PCDH15: variants seen among roughly 807,000 people sequenced by gnomAD.
PCDH15 encodes protocadherin-15.
Under a neutral mutation model 178.5 loss-of-function variants are expected in PCDH15, and 129 were observed. That is an observed-to-expected ratio of 0.72 (90% CI 0.63 to 0.84). The LOEUF is 0.84. PCDH15 is among the 40% of genes least tolerant of loss of function. The pLI is 0.00. For missense variants in PCDH15, 2,230 were observed against 2,099.9 expected, an observed-to-expected ratio of 1.06 and a Z score of -1.21; for synonymous variants, 800 against 732.0, an observed-to-expected ratio of 1.09 and a Z score of -1.50.
At chr10:53,930,744 T>C (rs2084986195) in intron 25 of PCDH15, among the ~76,000 whole-genome samples, 1 of 152,080 alleles carries the variant, frequency 6.6e-6, no homozygotes, top group Non-Finnish European at 1.5e-5. Flanking sequence ...CTTACACTCT[T>C]ACGTTTCTTC....
intron 2 of PCDH15, among the ~76,000 whole-genome samples, chr10:55,463,380 C>T (rs1365087534): frequency 1.3e-5 from 2 of 152,028 alleles, no homozygotes; most frequent in African/African-American, 2.4e-5. Context: ...AGCACAGTGG[C>T]TTATGTTTGT....
At chr10:54,682,020 A>C (rs1378605305) in intron 1 of PCDH15, among the ~76,000 whole-genome samples, 1 of 152,168 alleles carries the variant, frequency 6.6e-6, no homozygotes, top group African/African-American at 2.4e-5. Context: ...AGAATGTATG[A>C]AGGATTCCTT....
intron 2 of PCDH15, among the ~76,000 whole-genome samples, chr10:55,063,834 C>T (rs768659206): frequency 3.9e-5 from 6 of 152,254 alleles, no homozygotes; most frequent in African/African-American, 4.8e-5. Flanking sequence ...AAGATTCATG[C>T]TTCTGGGACT....
At chr10:54,958,713 C>A (rs1162986620) in intron 2 of PCDH15, among the ~76,000 whole-genome samples, 1 of 151,324 alleles carries the variant, frequency 6.6e-6, no homozygotes, top group African/African-American at 2.4e-5. Context: ...ATAAAGCCAA[C>A]ACCATGAAAA....
rs74977778 is a variant in PCDH15 at position 53,873,346 on chromosome 10, T to C, written c.3502-6489A>G. On this transcript the variant is annotated intron_variant, in intron 26 of 37. Transcript: ENST00000644397. ...AAGTCCATTTATGTTGTTTGTATAA[T>C]GCTGTTGCTGCTTCCGCTGTTTGCT... is the stretch of plus-strand genomic sequence containing the variant. Among the ~76,000 whole-genome samples the C allele has an allele frequency of 2.9e-3, 440 of 152,368 alleles. 3 individuals carry two copies. Among genetic ancestry groups the C allele is most frequent in the Non-Finnish European group, 4.9e-3 (335 of 68,032 alleles).
At chr10:53,958,815 T>C (rs1034078915) in intron 23 of PCDH15, among the ~76,000 whole-genome samples, 2 of 151,436 alleles carry the variant, frequency 1.3e-5, no homozygotes, top group Non-Finnish European at 2.9e-5. Flanking sequence ...CCACCTCTAC[T>C]GAAAATACAA....
At chr10:54,470,763 T>C (rs1578669) in intron 3 of PCDH15, among the ~76,000 whole-genome samples, 36,517 of 152,076 alleles carry the variant, frequency 0.24, 4,691 homozygotes, top group Admixed American at 0.38. Flanking sequence ...CTCGCTTTGG[T>C]CTCCTTTCTT....
intron 2 of PCDH15, among the ~76,000 whole-genome samples, chr10:55,006,598 G>A (rs1222477464): frequency 6.6e-6 from 1 of 151,908 alleles, no homozygotes; most frequent in Non-Finnish European, 1.5e-5. Context: ...GAGTTTTCAA[G>A]AGGTCTGGTC....
chr10:55,446,707 T>C (rs1839325441), intron 2 of PCDH15, among the ~76,000 whole-genome samples: 3 of 152,140 alleles, frequency 2.0e-5, no homozygotes, highest in Admixed American at 1.3e-4. Context: ...GCCTGTGTCT[T>C]AAGAGGCTTT....
chr10:54,032,241 T>C (rs1911390), intron 18 of PCDH15, among the ~76,000 whole-genome samples: 88,745 of 151,634 alleles, frequency 0.59, 29,158 homozygotes, highest in Non-Finnish European at 0.74. Context: ...TCTTCAGCCC[T>C]AGTATCACCT....
chr10:54,939,348 A>C (rs1837996406), intron 2 of PCDH15, among the ~76,000 whole-genome samples: 1 of 150,564 alleles, frequency 6.6e-6, no homozygotes, highest in Admixed American at 6.6e-5. Flanking sequence ...ACAAAAAATT[A>C]GCCGGGCGTG....
At chr10:54,687,004 T>C (rs894757304) in intron 1 of PCDH15, among the ~76,000 whole-genome samples, 3 of 152,114 alleles carry the variant, frequency 2.0e-5, no homozygotes, top group Non-Finnish European at 4.4e-5. Context: ...GAACTATAAA[T>C]AGCCAATAGA....
At chr10:54,346,073 G>A (rs1002176072) in intron 6 of PCDH15, among the ~76,000 whole-genome samples, 5 of 152,016 alleles carry the variant, frequency 3.3e-5, no homozygotes, top group African/African-American at 1.2e-4. Flanking sequence ...CTCATCTCCA[G>A]TGATTTATTT....
At chr10:54,329,861 A>G (rs893527557) in intron 6 of PCDH15, among the ~76,000 whole-genome samples, 155 bp from the exon 7 acceptor site, 20 of 151,982 alleles carry the variant, frequency 1.3e-4, no homozygotes, top group African/African-American at 4.8e-4. Context: ...TTGTTATCAT[A>G]CTTCCAAACA....
chr10:55,465,150 G>A (rs1320505207), intron 2 of PCDH15, among the ~76,000 whole-genome samples: 1 of 152,104 alleles, frequency 6.6e-6, no homozygotes, highest in Non-Finnish European at 1.5e-5. Flanking sequence ...ACTGATTTTA[G>A]GAAATTGACT....
chr10:55,048,188 G>A (rs1445303857), intron 2 of PCDH15, among the ~76,000 whole-genome samples: 3 of 151,682 alleles, frequency 2.0e-5, no homozygotes, highest in Admixed American at 2.0e-4. Flanking sequence ...ATAAGATAAA[G>A]GCATAAACAT....
intron 1 of PCDH15, among the ~76,000 whole-genome samples, chr10:55,299,228 C>A (rs1588891343): frequency 6.6e-6 from 1 of 152,246 alleles, no homozygotes; most frequent in South Asian, 2.1e-4. Flanking sequence ...TTTCTCAACT[C>A]TTGGACAGAT....
intron 3 of PCDH15, among the ~76,000 whole-genome samples, chr10:54,832,647 T>C (rs1218969279): frequency 6.6e-6 from 1 of 152,230 alleles, no homozygotes; most frequent in Non-Finnish European, 1.5e-5. Flanking sequence ...CACAAAGATA[T>C]GACTTTGGTC....
intron 1 of PCDH15, among the ~76,000 whole-genome samples, chr10:55,212,099 T>C (rs1840585782): frequency 6.6e-6 from 1 of 152,102 alleles, no homozygotes; most frequent in South Asian, 2.1e-4. Context: ...TTCTTTTTTG[T>C]TGTTACCACA....
Sources: gnomAD v4.1 joint callset for allele counts (sites outside exome capture counted in the v4.1 genomes callset) on GRCh38, gnomAD v4.1.1 for gene constraint, MANE v1.5 for transcripts, NCBI Gene and HGNC (gene_info 2026-07-23, HGNC 2026-07-21) for gene names.